Variants in GLT1D1 observed in about 807,000 individuals in gnomAD.
GLT1D1 encodes the protein glycosyltransferase 1 domain containing 1.
In GLT1D1, 21 loss-of-function variants were observed where a neutral mutation model predicts 28.7. The ratio of observed to expected loss-of-function variants is 0.73; its 90% CI spans 0.52 to 1.05. The LOEUF is 1.05. Among genes scored for constraint, GLT1D1 ranks in the 50% least tolerant of loss-of-function variants. The pLI is 0.00. For missense variants in GLT1D1, 343 were observed against 330.6 expected, an observed-to-expected ratio of 1.04 and a Z score of -0.29; for synonymous variants, 147 against 124.8, an observed-to-expected ratio of 1.18 and a Z score of -1.19.
chr12:128,970,853 A>G (rs1451075903), intron 7 of GLT1D1, among the ~76,000 whole-genome samples: 3 of 152,166 alleles, frequency 2.0e-5, no homozygotes, highest in African/African-American at 7.2e-5. Context: ...CCAGCCTGGA[A>G]GCTTCCCGAG....
At chr12:128,853,726 G>C (rs1956131360) in intron 1 of GLT1D1, 77 bp downstream of exon 1, 1 of 937,718 alleles carries the variant, frequency 1.1e-6, no homozygotes. Context: ...GGGGACGCGG[G>C]GCGCTCAGCC....
intron 4 of GLT1D1, chr12:128,944,953 CG>C (rs1323859661): frequency 1.8e-5 from 10 of 545,356 alleles, no homozygotes; most frequent in African/African-American, 1.2e-4. Flanking sequence ...CTCCAGCCCC[CG>C]ACCCCCAACA....
intron 7 of GLT1D1, among the ~76,000 whole-genome samples, chr12:128,976,632 CT>C (rs1451731841): frequency 1.3e-5 from 2 of 152,192 alleles, no homozygotes; most frequent in East Asian, 3.9e-4. Context: ...CTGTGATTGA[CT>C]GTAGCTCATC....
chr12:128,928,235 C>A (rs535819898), intron 4 of GLT1D1, among the ~76,000 whole-genome samples: 1 of 151,972 alleles, frequency 6.6e-6, no homozygotes, highest in Non-Finnish European at 1.5e-5. Context: ...CCTTTGGGAG[C>A]CTTGTTGTGT....
intron 4 of GLT1D1, among the ~76,000 whole-genome samples, chr12:128,943,242 G>T (rs1262778145): frequency 6.6e-6 from 1 of 152,120 alleles, no homozygotes; most frequent in African/African-American, 2.4e-5. Context: ...TACTAATTAT[G>T]ATTGATTGCT....
At chr12:128,916,957 T>C (rs1188738060) in intron 4 of GLT1D1, among the ~76,000 whole-genome samples, 1 of 152,202 alleles carries the variant, frequency 6.6e-6, no homozygotes, top group Non-Finnish European at 1.5e-5. Context: ...TTTTAAAATG[T>C]CTTTAGAAGT....
intron 1 of GLT1D1, chr12:128,864,236 G>A (rs1164347578): frequency 2.4e-5 from 14 of 571,978 alleles, no homozygotes; most frequent in Admixed American, 1.1e-4. Context: ...AGAGGCTTCC[G>A]GGCTGAAGAT....
intron 4 of GLT1D1, among the ~76,000 whole-genome samples, chr12:128,936,663 A>T (rs1161209773): frequency 6.6e-6 from 1 of 152,182 alleles, no homozygotes; most frequent in Middle Eastern, 3.2e-3. Context: ...GGAGTGGGGT[A>T]TGCACATTTG....
In GLT1D1 at chr12:128,890,393, A is replaced by G. The variant is rs1593089164; in HGVS notation, c.323+1649A>G. 2.0e-5 allele frequency among the ~76,000 whole-genome samples: 3 copies of G among 152,368 alleles called. No homozygotes were observed. In the South Asian group the frequency reaches 6.2e-4, roughly 32 times the overall value. On this transcript the variant is annotated intron_variant, in intron 3 of 7. Coordinates refer to ENST00000281703, the MANE Select transcript of GLT1D1 (RefSeq NM_144669.3). ...GACAAGGCATACTTAGAAAATTATC[A>G]TATTTGTATAGCAATTTAAAGTGGA...
At chr12:128,906,301 CTTCTAG>C (rs1055111133) in intron 4 of GLT1D1, among the ~76,000 whole-genome samples, 11 of 152,112 alleles carry the variant, frequency 7.2e-5, no homozygotes, top group African/African-American at 2.2e-4. Flanking sequence ...AACTTGAGTA[CTTCTAG>C]TTCTAGTCCA....
chr12:128,894,369 G>A (rs1202515835), intron 3 of GLT1D1, among the ~76,000 whole-genome samples: 4 of 152,112 alleles, frequency 2.6e-5, no homozygotes, highest in Non-Finnish European at 5.9e-5. Flanking sequence ...TTTGGGTCCT[G>A]CTGCAGGGAA....
At chr12:128,923,809 T>G (rs1872902900) in intron 4 of GLT1D1, among the ~76,000 whole-genome samples, 1 of 151,998 alleles carries the variant, frequency 6.6e-6, no homozygotes, top group Admixed American at 6.6e-5. Context: ...CGTGAGCCAC[T>G]GCGTCTGGCC....
chr12:128,899,174 T>TTA, intron 3 of GLT1D1, 62 bp from the exon 4 acceptor site: 2 of 1,105,522 alleles, frequency 1.8e-6, no homozygotes, highest in East Asian at 4.6e-5. Context: ...AAAGAGCTGT[T>TTA]TCATAGTTCT....
At chr12:128,967,046 A>G (rs1433316043) in intron 7 of GLT1D1, among the ~76,000 whole-genome samples, 1 of 152,224 alleles carries the variant, frequency 6.6e-6, no homozygotes, top group Non-Finnish European at 1.5e-5. Flanking sequence ...TTTGACATTT[A>G]ATAGAAGCTG....
rs111723220 is a variant in GLT1D1, at chr12:128,966,649, G to A, written c.639+9006G>A. Among the ~76,000 whole-genome samples, 1,481 of 152,306 alleles carry A rather than the reference G, an allele frequency of 9.7e-3. 27 individuals carry two copies. Among genetic ancestry groups the A allele is most frequent in the African/African-American group, 0.033 (1,380 of 41,556 alleles). On this transcript the variant is annotated intron_variant, in intron 7 of 7. Coordinates refer to ENST00000281703, the MANE Select transcript of GLT1D1 (RefSeq NM_144669.3). ...ACTTGGGCAGCACCTGGCACTAAAT[G>A]TGTGTTGACAGGTGAATGGTGAGCA...
intron 2 of GLT1D1, among the ~76,000 whole-genome samples, chr12:128,883,629 G>C (rs1018851041): frequency 1.3e-5 from 2 of 151,164 alleles, no homozygotes; most frequent in South Asian, 2.1e-4. Flanking sequence ...GCCAAGTTTA[G>C]GAAGCTATGA....
intron 4 of GLT1D1, chr12:128,944,762 T>C: frequency 7.9e-6 from 4 of 506,326 alleles, no homozygotes; most frequent in Non-Finnish European, 1.5e-5. Context: ...GAGTTTCCCT[T>C]GGTCAATGAA....
At position 128,945,351 on chromosome 12, in the gene GLT1D1, T is replaced by G; in HGVS notation, c.401T>G (p.Val134Gly). The G allele has an allele frequency of 1.2e-6, 2 of 1,614,064 alleles. No homozygotes were observed. The highest frequency in any genetic ancestry group is 3.3e-5 in the Admixed American group (2 of 60,030). The change falls in exon 5 of 8, where the codon GTG becomes GGG. Residue 134 changes from valine to glycine, a missense_variant. Transcript: ENST00000281703. ...GTCGATCCAGTGTTTACAAGGGAAG[T>G]GAAAGCCAAAGTGAAAAGGTAAGAG...
chr12:128,933,878 C>T (rs1490184563), intron 4 of GLT1D1, among the ~76,000 whole-genome samples: 1 of 152,134 alleles, frequency 6.6e-6, no homozygotes, highest in Non-Finnish European at 1.5e-5. Flanking sequence ...TGCAGTGTGA[C>T]TAGGGCACGT....
Sources: gnomAD v4.1 joint callset for allele counts (sites outside exome capture counted in the v4.1 genomes callset) on GRCh38, gnomAD v4.1.1 for gene constraint, MANE v1.5 for transcripts, NCBI Gene and HGNC (gene_info 2026-07-23, HGNC 2026-07-21) for gene names.